The following KCNC1 variants were observed in gnomAD, a reference collection of about 807,000 sequenced individuals.
KCNC1 encodes the protein voltage-gated potassium channel KCNC1.
In KCNC1, 8 loss-of-function variants were observed where a neutral mutation model predicts 43.4. The ratio of observed to expected loss-of-function variants is 0.18; its 90% CI spans 0.11 to 0.33. The LOEUF is 0.33. KCNC1 is among the 10% of genes least tolerant of loss of function. The pLI is 1.00. For synonymous variants in KCNC1, 361 were observed against 360.5 expected (o/e 1.00, Z -0.01); for missense variants, 420 against 836.0 (o/e 0.50, Z 6.14).
chr11:17,771,108 A>G lies in KCNC1; in HGVS notation c.571-557A>G, dbSNP rs1041411251. Among the ~76,000 whole-genome samples the G allele has an allele frequency of 3.9e-5, 6 of 152,212 alleles. No homozygotes were observed. The highest frequency in any genetic ancestry group is 1.4e-4 in the African/African-American group (6 of 41,458). Reference sequence around the variant, plus strand: ...GGCAGGATAGAACCTGAAAGAGACCACATGAGGGAGGTACAGACCCATGGA... The same window carrying G: ...GGCAGGATAGAACCTGAAAGAGACCGCATGAGGGAGGTACAGACCCATGGA... On this transcript the variant is annotated intron_variant, in intron 1 of 3. Transcript: ENST00000265969. The surrounding 1 kb of genome is among the most constrained non-coding windows in gnomAD (Gnocchi z 4.7).
chr11:17,777,466 T>G lies in KCNC1; in HGVS notation c.1505-1990T>G. On this transcript the variant is annotated intron_variant, in intron 2 of 3. Coordinates refer to ENST00000265969, the MANE Select transcript of KCNC1 (RefSeq NM_001112741.2). The surrounding 1 kb of genome is among the most constrained non-coding windows in gnomAD (Gnocchi z 4.3). ...GTCATCCGCGTCCTCTCCATACTGTTTCCCTCCCCTCTCCCAACACCCTCC... is the reference window on the plus strand; with the variant it reads ...GTCATCCGCGTCCTCTCCATACTGTGTCCCTCCCCTCTCCCAACACCCTCC... 1 of 985,902 alleles carries G rather than the reference T, an allele frequency of 1.0e-6. No homozygotes were observed. Among genetic ancestry groups the G allele is most frequent in the Non-Finnish European group, 1.2e-6 (1 of 829,958 alleles). The allele number at this position is 985,902 out of a possible 1,614,324, so 61.1% of individuals were successfully genotyped here.
intron 1 of KCNC1, among the ~76,000 whole-genome samples, chr11:17,744,771 G>A (rs750471966): frequency 2.6e-5 from 4 of 152,058 alleles, no homozygotes; most frequent in Non-Finnish European, 5.9e-5. Flanking sequence ...GGGTGTTTGC[G>A]ATGGCTGCTA....
chr11:17,782,044 C>T lies in KCNC1; in HGVS notation c.*310C>T. ...CCAGCAAACCAAACCCACCAACCCC[C>T]TGCAACTGTATGATTACCCTGAACA... On this transcript the variant is annotated 3_prime_UTR_variant, in exon 4 of 4. Transcript: ENST00000265969. 5.6e-6 allele frequency: 2 copies of T among 354,460 alleles called. No homozygotes were observed. Among genetic ancestry groups the T allele is most frequent in the Non-Finnish European group, 1.0e-5 (2 of 197,628 alleles). 22.0% of individuals were successfully genotyped at this position (354,460 alleles called of 1,614,324 possible). A position where few individuals can be genotyped will look rare whatever the true frequency, so the allele number is the denominator to read the frequency against.
Position 17,736,703 on chromosome 11 carries a change from T to G in KCNC1, c.570+131T>G. 7.2e-7 allele frequency: 1 copy of G among 1,381,204 alleles called. No individual in the cohort carries two copies. The highest frequency in any genetic ancestry group is 9.5e-7 in the Non-Finnish European group (1 of 1,054,232). The allele number at this position is 1,381,204 out of a possible 1,614,324, so 85.6% of individuals were successfully genotyped here. ...TCGAAAGGGGGTGTGTGCGCATGTG[T>G]GCACGTACCAGGGTAAGAGAGGAAG... On this transcript the variant is annotated intron_variant, in intron 1 of 3. Coordinates refer to ENST00000265969, the MANE Select transcript of KCNC1 (RefSeq NM_001112741.2). The surrounding 1 kb of genome is among the most constrained non-coding windows in gnomAD (Gnocchi z 9.3).
intron 1 of KCNC1, among the ~76,000 whole-genome samples, chr11:17,737,957 G>C (rs1253585422): frequency 6.6e-6 from 1 of 152,110 alleles, no homozygotes; most frequent in Non-Finnish European, 1.5e-5. Flanking sequence ...TTTAGGCACA[G>C]ACCTTGTAGA....
At chr11:17,740,591 G>A (rs1848827217) in intron 1 of KCNC1, among the ~76,000 whole-genome samples, 1 of 152,124 alleles carries the variant, frequency 6.6e-6, no homozygotes, top group African/African-American at 2.4e-5. Context: ...GGACGTTGTT[G>A]CGTCCCATCA....
At position 17,781,305 on chromosome 11, in the gene KCNC1, G is replaced by C; in HGVS notation, c.1694-365G>C. On this transcript the variant is annotated intron_variant, in intron 3 of 3. Transcript: ENST00000265969. This position sits in a 1 kb window ranked among gnomAD's most constrained non-coding sequence, Gnocchi z 5.1. ...GTCCCACCGAGGCTTAGGTGCCAGA[G>C]TCTTTGGGAGGCGCTAAGGGTGAAG... 4.4e-6 allele frequency: 1 copy of C among 226,392 alleles called. No homozygotes were observed. The highest frequency in any genetic ancestry group is 8.7e-6 in the Non-Finnish European group (1 of 115,578). The allele number at this position is 226,392 out of a possible 1,614,324, so 14.0% of individuals were successfully genotyped here.
rs1849363312 is a variant in KCNC1 at position 17,782,949 on chromosome 11, A to G, written c.*1215A>G. The stretch of plus-strand genomic sequence containing the variant: ...AAAAAATGCAACATCTCAAGCTTTC[A>G]CTGCAGCTCACAACATTTCCTGGAA... On this transcript the variant is annotated 3_prime_UTR_variant, in exon 4 of 4. Transcript: ENST00000265969. The G allele has an allele frequency of 6.6e-6, 1 of 152,218 alleles. No individual in the cohort carries two copies. The highest frequency in any genetic ancestry group is 2.1e-4 in the South Asian group (1 of 4,834). The allele number at this position is 152,218 out of a possible 1,614,324, so 9.4% of individuals were successfully genotyped here. A position where few individuals can be genotyped will look rare whatever the true frequency, so the allele number is the denominator to read the frequency against.
intron 1 of KCNC1, among the ~76,000 whole-genome samples, chr11:17,751,848 G>C (rs574213234): frequency 9.8e-5 from 15 of 152,294 alleles, no homozygotes; most frequent in African/African-American, 3.4e-4. Context: ...AGAGTCTGTG[G>C]TTTCAGTCTG....
intron 1 of KCNC1, among the ~76,000 whole-genome samples, chr11:17,752,488 T>C (rs757512): frequency 0.82 from 125,079 of 152,206 alleles, 52,418 homozygotes; most frequent in East Asian, 0.98. Context: ...CATGCAAACA[T>C]GCAGACATCT....
intron 1 of KCNC1, among the ~76,000 whole-genome samples, chr11:17,750,635 A>G (rs1456819615): frequency 6.6e-6 from 1 of 152,112 alleles, no homozygotes; most frequent in African/African-American, 2.4e-5. Flanking sequence ...CTGCCCTGCT[A>G]TTCCAGATCA....
In KCNC1 at chr11:17,777,744, A is replaced by G; in HGVS notation, c.1505-1712A>G. On this transcript the variant is annotated intron_variant, in intron 2 of 3. Coordinates refer to ENST00000265969, the MANE Select transcript of KCNC1 (RefSeq NM_001112741.2). The surrounding 1 kb of genome is among the most constrained non-coding windows in gnomAD (Gnocchi z 4.3). ...GAAATGCTTTGCCATCTTGTACGAAAGACTTTTTTTTTAAGTTCCAAAATT... is the reference window on the plus strand; with the variant it reads ...GAAATGCTTTGCCATCTTGTACGAAGGACTTTTTTTTTAAGTTCCAAAATT... 7 of 986,152 alleles carry G rather than the reference A, an allele frequency of 7.1e-6. No homozygotes were observed. Among genetic ancestry groups the G allele is most frequent in the Non-Finnish European group, 8.4e-6 (7 of 829,996 alleles). The allele number at this position is 986,152 out of a possible 1,614,324, so 61.1% of individuals were successfully genotyped here.
chr11:17,770,174 T>C (rs1849207799), intron 1 of KCNC1, among the ~76,000 whole-genome samples: 1 of 152,248 alleles, frequency 6.6e-6, no homozygotes, highest in Non-Finnish European at 1.5e-5. Context: ...AGGCGGCCTC[T>C]AGGGGCAGCA....
intron 1 of KCNC1, among the ~76,000 whole-genome samples, chr11:17,755,678 G>T (rs1849015511): frequency 6.6e-6 from 1 of 152,158 alleles, no homozygotes; most frequent in South Asian, 2.1e-4. Flanking sequence ...TGGAGAGGCT[G>T]CAGGGGGTGG....
chr11:17,741,562 C>G (rs370860745), intron 1 of KCNC1, among the ~76,000 whole-genome samples: 1 of 152,204 alleles, frequency 6.6e-6, no homozygotes, highest in African/African-American at 2.4e-5. Context: ...TCTCCCACCT[C>G]CAGCCCCTGG....
Position 17,772,207 on chromosome 11 carries a change from A to G in KCNC1, c.1113A>G (p.Ala371=). 2 of 1,614,022 alleles carry G rather than the reference A, an allele frequency of 1.2e-6. No individual in the cohort carries two copies. The highest frequency in any genetic ancestry group is 1.7e-6 in the Non-Finnish European group (2 of 1,180,012). ...TMIYYAERIG[A]QPNDPSASEH... Reference sequence around the variant, plus strand: ...TCTACTACGCCGAGAGGATAGGGGCACAGCCCAATGACCCCAGCGCCAGTG... The same window carrying G: ...TCTACTACGCCGAGAGGATAGGGGCGCAGCCCAATGACCCCAGCGCCAGTG... The change falls in exon 2 of 4, where the codon GCA becomes GCG. Residue 371 remains alanine (A), a synonymous_variant. Coordinates refer to ENST00000265969, the MANE Select transcript of KCNC1 (RefSeq NM_001112741.2).
At chr11:17,758,726 T>G (rs540712950) in intron 1 of KCNC1, among the ~76,000 whole-genome samples, 2 of 152,314 alleles carry the variant, frequency 1.3e-5, no homozygotes, top group East Asian at 3.9e-4. Context: ...AGGAATCATT[T>G]TTTCTGAGCA....
intron 1 of KCNC1, among the ~76,000 whole-genome samples, chr11:17,741,131 C>G (rs545328035): frequency 6.6e-6 from 1 of 151,978 alleles, no homozygotes; most frequent in Non-Finnish European, 1.5e-5. Flanking sequence ...CCCAGCCACC[C>G]CAAGGGCCTT....
intron 1 of KCNC1, among the ~76,000 whole-genome samples, chr11:17,762,503 A>G (rs1849089067): frequency 6.6e-6 from 1 of 152,138 alleles, no homozygotes; most frequent in African/African-American, 2.4e-5. Flanking sequence ...AGGGACAGTG[A>G]CTTGACCACA....
Sources: gnomAD v4.1 joint callset for allele counts (sites outside exome capture counted in the v4.1 genomes callset) on GRCh38, gnomAD v4.1.1 for gene constraint, Gnocchi (gnomAD v3.1) non-coding constraint, MANE v1.5 for transcripts, NCBI Gene and HGNC (gene_info 2026-07-23, HGNC 2026-07-21) for gene names.